The following DLG2 variants were observed in gnomAD, a reference collection of about 807,000 sequenced individuals.
DLG2 encodes the protein disks large homolog 2.
In DLG2, 45 loss-of-function variants were observed where a neutral mutation model predicts 132.5. The ratio of observed to expected loss-of-function variants is 0.34; its 90% CI spans 0.27 to 0.44. The LOEUF is 0.44. DLG2 is among the 20% of genes least tolerant of loss of function. The pLI is 1.00. For synonymous variants in DLG2, 424 were observed against 419.6 expected (o/e 1.01, Z -0.13); for missense variants, 1,045 against 1,196.9 (o/e 0.87, Z 1.87).
At chr11:84,900,380 G>C (rs994866451) in intron 6 of DLG2, among the ~76,000 whole-genome samples, 1 of 151,980 alleles carries the variant, frequency 6.6e-6, no homozygotes, top group African/African-American at 2.4e-5. Flanking sequence ...TATATTATGT[G>C]TTAAACTCTA....
At chr11:83,935,504 T>C (rs1565709023) in intron 14 of DLG2, among the ~76,000 whole-genome samples, 1 of 152,182 alleles carries the variant, frequency 6.6e-6, no homozygotes, top group East Asian at 1.9e-4. Context: ...AAGGTATTAG[T>C]CACTTGATTA....
intron 7 of DLG2, among the ~76,000 whole-genome samples, chr11:84,457,725 C>T (rs748644006): frequency 2.6e-5 from 4 of 150,952 alleles, no homozygotes; most frequent in East Asian, 1.9e-4. Flanking sequence ...TTCTCTCTCA[C>T]GTTTTTTCAA....
At chr11:84,957,166 T>A (rs1479783412) in intron 6 of DLG2, among the ~76,000 whole-genome samples, 1 of 152,164 alleles carries the variant, frequency 6.6e-6, no homozygotes, top group Admixed American at 6.5e-5. Flanking sequence ...GTTAAGTACC[T>A]GCCCAAGATC....
chr11:83,493,998 T>C (rs2094012559), intron 21 of DLG2, among the ~76,000 whole-genome samples: 1 of 152,096 alleles, frequency 6.6e-6, no homozygotes, highest in Admixed American at 6.6e-5. Context: ...AATGTTTCTG[T>C]GTACTCAAAC....
At chr11:84,476,498 C>A (rs2099122007) in intron 7 of DLG2, among the ~76,000 whole-genome samples, 1 of 152,094 alleles carries the variant, frequency 6.6e-6, no homozygotes. Context: ...TTCATTAATA[C>A]TGAAAAGCTA....
rs572257369 is a variant in DLG2 at position 83,711,108 on chromosome 11, T to G, written c.1825+75582A>C. 2.3e-4 allele frequency among the ~76,000 whole-genome samples: 35 copies of G among 152,256 alleles called. No homozygotes were observed. In the South Asian group the frequency reaches 5.0e-3, roughly 22 times the overall value. ...TAGCCTCAGCAGTCACCAACCCCCTTATTGAACTGTGCATTCAAAGAATGC... is the reference window on the plus strand; with the variant it reads ...TAGCCTCAGCAGTCACCAACCCCCTGATTGAACTGTGCATTCAAAGAATGC... On this transcript the variant is annotated intron_variant, in intron 18 of 27. Coordinates refer to ENST00000376104, the MANE Select transcript of DLG2 (RefSeq NM_001142699.3).
chr11:84,435,642 T>C (rs1025580427), intron 7 of DLG2, among the ~76,000 whole-genome samples: 5 of 152,190 alleles, frequency 3.3e-5, no homozygotes, highest in African/African-American at 9.7e-5. Context: ...ATTTGAACCC[T>C]TAAAATCAAA....
chr11:85,168,939 G>A (rs967016864), intron 4 of DLG2, among the ~76,000 whole-genome samples: 6 of 152,056 alleles, frequency 3.9e-5, no homozygotes, highest in African/African-American at 1.4e-4. Context: ...CACTGTTAAA[G>A]TAAAACAAGC....
chr11:84,699,716 T>G (rs2059010993), intron 6 of DLG2, among the ~76,000 whole-genome samples: 1 of 151,570 alleles, frequency 6.6e-6, no homozygotes, highest in African/African-American at 2.4e-5. Context: ...GGGTACTGAC[T>G]CTGCTTTCTT....
At chr11:85,421,157 C>T (rs527781386) in intron 3 of DLG2, among the ~76,000 whole-genome samples, 1 of 152,244 alleles carries the variant, frequency 6.6e-6, no homozygotes, top group Admixed American at 6.5e-5. Context: ...AGCATAGTAT[C>T]GGAGCCGGAG....
intron 6 of DLG2, among the ~76,000 whole-genome samples, chr11:84,891,969 C>G (rs1344658049): frequency 1.3e-5 from 2 of 152,130 alleles, no homozygotes; most frequent in African/African-American, 4.8e-5. Flanking sequence ...GATTTCTCTA[C>G]AAGTCTTAAT....
At chr11:84,394,040 C>T (rs1007392952) in intron 7 of DLG2, among the ~76,000 whole-genome samples, 1 of 152,050 alleles carries the variant, frequency 6.6e-6, no homozygotes, top group Admixed American at 6.5e-5. Flanking sequence ...CATGCATCAA[C>T]ACGCCCAGCT....
intron 6 of DLG2, among the ~76,000 whole-genome samples, chr11:85,103,971 C>CT (rs1367872713): frequency 2.6e-5 from 4 of 151,904 alleles, no homozygotes; most frequent in Non-Finnish European, 5.9e-5. Context: ...GGTCACATCA[C>CT]TAATCAATAG....
intron 14 of DLG2, among the ~76,000 whole-genome samples, chr11:83,941,673 T>A (rs1348350146): frequency 2.0e-5 from 3 of 152,158 alleles, no homozygotes; most frequent in African/African-American, 7.2e-5. Context: ...GGATGACAGG[T>A]GTAAGCCACC....
At chr11:85,412,332 G>A (rs2089383718) in intron 3 of DLG2, among the ~76,000 whole-genome samples, 1 of 151,742 alleles carries the variant, frequency 6.6e-6, no homozygotes, top group African/African-American at 2.4e-5. Flanking sequence ...ACAACATGAT[G>A]GATGGTAGGG....
At chr11:85,379,772 T>C (rs865920811) in intron 3 of DLG2, among the ~76,000 whole-genome samples, 1 of 152,210 alleles carries the variant, frequency 6.6e-6, no homozygotes, top group Admixed American at 6.5e-5. Context: ...CTGCTGTTTT[T>C]CCCTACTATA....
At chr11:84,578,610 G>C (rs539555288) in intron 6 of DLG2, among the ~76,000 whole-genome samples, 1 of 152,144 alleles carries the variant, frequency 6.6e-6, no homozygotes, top group Non-Finnish European at 1.5e-5. Context: ...CCCAATACCT[G>C]CACTGCCATT....
intron 7 of DLG2, among the ~76,000 whole-genome samples, chr11:84,338,642 C>T (rs181071470): frequency 5.3e-5 from 8 of 151,732 alleles, no homozygotes; most frequent in Admixed American, 5.3e-4. Flanking sequence ...GGCTAACATG[C>T]TGAAATACAA....
intron 6 of DLG2, among the ~76,000 whole-genome samples, chr11:84,837,194 T>C (rs930896011): frequency 5.3e-5 from 8 of 151,880 alleles, no homozygotes; most frequent in African/African-American, 1.9e-4. Flanking sequence ...AAAACTTTTT[T>C]CAAATGGAAG....
Sources: allele counts gnomAD v4.1 joint callset (sites outside exome capture counted in the v4.1 genomes callset), GRCh38; gene constraint gnomAD v4.1.1; transcripts MANE v1.5; gene names NCBI Gene and HGNC (gene_info 2026-07-23, HGNC 2026-07-21).